Variants in LRP1B observed in about 807,000 individuals in gnomAD.
The protein encoded by LRP1B is LDL receptor related protein 1B, also known as low-density lipoprotein receptor-related protein 1B.
In LRP1B, 217 loss-of-function variants were observed where a neutral mutation model predicts 556.6. The ratio of observed to expected loss-of-function variants is 0.39; its 90% CI spans 0.35 to 0.44. The LOEUF (loss-of-function observed/expected upper bound fraction) is 0.44. LRP1B is among the 20% of genes least tolerant of loss of function. The pLI, the probability that LRP1B is intolerant of heterozygous loss-of-function variation, is 1.00. For missense variants in LRP1B, 5,053 were observed against 5,620.8 expected (o/e 0.90, Z 3.23); for synonymous variants, 2,047 against 1,865.8 (o/e 1.10, Z -2.50).
At chr2:141,397,300 T>C (rs1019604488) in intron 3 of LRP1B, among the ~76,000 whole-genome samples, 2 of 151,770 alleles carry the variant, frequency 1.3e-5, no homozygotes, top group Admixed American at 6.6e-5. Flanking sequence ...TTCGTAGATA[T>C]TTCCCTCAGT....
chr2:141,749,913 G>A (rs1389472731), intron 2 of LRP1B, among the ~76,000 whole-genome samples: 33 of 152,096 alleles, frequency 2.2e-4, no homozygotes, highest in Admixed American at 2.2e-3. Context: ...GAAGTAGTTA[G>A]GTGATACTTT....
At chr2:140,683,460 C>T (rs940053355) in intron 41 of LRP1B, 15 of 554,614 alleles carry the variant, frequency 2.7e-5, no homozygotes, top group African/African-American at 2.7e-4. Context: ...GATCATGTCT[C>T]CTTTTGGGGC....
intron 84 of LRP1B, among the ~76,000 whole-genome samples, chr2:140,282,342 T>C (rs941337208): frequency 1.3e-5 from 2 of 151,854 alleles, no homozygotes; most frequent in Non-Finnish European, 2.9e-5. Context: ...TGTTACCCTC[T>C]TTTTATAGAT....
intron 43 of LRP1B, among the ~76,000 whole-genome samples, chr2:140,549,861 GTTT>G (rs1241483223): frequency 6.7e-6 from 1 of 148,178 alleles, no homozygotes; most frequent in Admixed American, 6.7e-5. Flanking sequence ...AGTTGTTGTT[GTTT>G]TTTTTTTCAA....
intron 1 of LRP1B, among the ~76,000 whole-genome samples, chr2:142,014,987 T>C (rs1703074688): frequency 6.6e-6 from 1 of 152,242 alleles, no homozygotes; most frequent in African/African-American, 2.4e-5. Context: ...TATTAATATG[T>C]ATTTCCTCTG....
intron 6 of LRP1B, among the ~76,000 whole-genome samples, chr2:141,203,008 C>T (rs1178248147): frequency 6.6e-6 from 1 of 152,058 alleles, no homozygotes; most frequent in Non-Finnish European, 1.5e-5. Flanking sequence ...TTGTCACCAC[C>T]AGACCTGCCT....
intron 7 of LRP1B, among the ~76,000 whole-genome samples, chr2:141,106,147 G>T (rs1700597091): frequency 6.6e-6 from 1 of 152,116 alleles, no homozygotes; most frequent in African/African-American, 2.4e-5. Context: ...TAAAGGCTCA[G>T]TCTCATATGT....
chr2:141,479,370 A>T (rs1682831785), intron 3 of LRP1B, among the ~76,000 whole-genome samples: 1 of 152,128 alleles, frequency 6.6e-6, no homozygotes, highest in African/African-American at 2.4e-5. Context: ...AAACGTATAC[A>T]TATTTGGAGC....
intron 59 of LRP1B, among the ~76,000 whole-genome samples, chr2:140,478,891 A>G (rs112547587): frequency 0.048 from 7,325 of 152,212 alleles, 216 homozygotes; most frequent in African/African-American, 0.052. Context: ...TATCTGACTT[A>G]AATAGGAAAT....
At chr2:140,968,051 A>G (rs938448533) in intron 18 of LRP1B, among the ~76,000 whole-genome samples, 4 of 131,024 alleles carry the variant, frequency 3.1e-5, no homozygotes, top group Admixed American at 2.5e-4. Flanking sequence ...TCATAAAATG[A>G]GTTAGGGAGG....
At chr2:141,006,997 A>G (rs1697594610) in intron 14 of LRP1B, among the ~76,000 whole-genome samples, 1 of 151,976 alleles carries the variant, frequency 6.6e-6, no homozygotes, top group African/African-American at 2.4e-5. Context: ...GCAATACAAT[A>G]GGTAATGTAA....
intron 41 of LRP1B, among the ~76,000 whole-genome samples, chr2:140,619,933 G>A (rs925931435): frequency 2.6e-5 from 4 of 152,058 alleles, no homozygotes; most frequent in Non-Finnish European, 5.9e-5. Context: ...ACTATTGTAT[G>A]CCTTCAATAT....
intron 41 of LRP1B, among the ~76,000 whole-genome samples, chr2:140,665,183 C>T (rs547507567): frequency 3.3e-5 from 5 of 152,120 alleles, no homozygotes; most frequent in Non-Finnish European, 7.4e-5. Context: ...TGTCAAAATG[C>T]AAATGTTTCA....
At chr2:141,619,170 C>A (rs1375181960) in intron 2 of LRP1B, among the ~76,000 whole-genome samples, 2 of 152,112 alleles carry the variant, frequency 1.3e-5, no homozygotes, top group East Asian at 1.9e-4. Flanking sequence ...TTTTCTTGAG[C>A]CTTTTTAGGG....
At chr2:140,722,028 T>C (rs145782000) in intron 35 of LRP1B, among the ~76,000 whole-genome samples, 2 of 152,128 alleles carry the variant, frequency 1.3e-5, no homozygotes, top group East Asian at 3.9e-4. Flanking sequence ...TCTGGGAGTA[T>C]CTCTTCTCTT....
At chr2:141,283,902 T>G (rs1348090185) in intron 3 of LRP1B, among the ~76,000 whole-genome samples, 1 of 152,178 alleles carries the variant, frequency 6.6e-6, no homozygotes, top group Non-Finnish European at 1.5e-5. Context: ...TGGACAACTT[T>G]ATCATTTTAG....
At chr2:140,982,124 A>G (rs777972194) in intron 18 of LRP1B, 36 bp downstream of exon 18, 1 of 1,514,436 alleles carries the variant, frequency 6.6e-7, no homozygotes, top group South Asian at 1.1e-5. Context: ...TATCTGACAC[A>G]ATCTGTAATA....
intron 1 of LRP1B, among the ~76,000 whole-genome samples, chr2:142,064,127 G>T (rs2104898236): frequency 6.6e-6 from 1 of 151,580 alleles, no homozygotes; most frequent in Admixed American, 6.6e-5. Flanking sequence ...TGAACAATTT[G>T]ATTCATTGGA....
chr2:140,881,064 A>G (rs1187569447), intron 25 of LRP1B, among the ~76,000 whole-genome samples: 1 of 152,154 alleles, frequency 6.6e-6, no homozygotes, highest in Non-Finnish European at 1.5e-5. Flanking sequence ...AAATTTCAAA[A>G]GAAGTTTAAA....
Sources: gnomAD v4.1 joint callset for allele counts (sites outside exome capture counted in the v4.1 genomes callset) on GRCh38, gnomAD v4.1.1 for gene constraint, MANE v1.5 for transcripts, NCBI Gene and HGNC (gene_info 2026-07-23, HGNC 2026-07-21) for gene names.